TASOR2: variants seen among roughly 807,000 people sequenced by gnomAD.
TASOR2 encodes the protein transcription activation suppressor family member 2.
Under a neutral mutation model 199.5 loss-of-function variants are expected in TASOR2, and 84 were observed. The observed-to-expected ratio is 0.42, with a 90% confidence interval of 0.35 to 0.50. TASOR2 has a LOEUF of 0.50. Among genes scored for constraint, TASOR2 ranks in the 20% least tolerant of loss-of-function variants. The pLI is 0.02. For missense variants in TASOR2, 2,796 were observed against 2,835.9 expected, an observed-to-expected ratio of 0.99 and a Z score of 0.32; for synonymous variants, 1,103 against 1,046.6, an observed-to-expected ratio of 1.05 and a Z score of -1.04.
At chr10:5,715,087 A>C (rs1382648267) in intron 2 of TASOR2, among the ~76,000 whole-genome samples, 1 of 152,170 alleles carries the variant, frequency 6.6e-6, no homozygotes, top group East Asian at 1.9e-4. Flanking sequence ...CTGGAGACTT[A>C]GGAAATAGAG....
intron 11 of TASOR2, among the ~76,000 whole-genome samples, chr10:5,733,485 C>T (rs753225142): frequency 2.0e-5 from 3 of 152,044 alleles, no homozygotes; most frequent in Non-Finnish European, 4.4e-5. Context: ...GGTGACAGAG[C>T]AAGACTGCAT....
rs971109957 is a variant in TASOR2, at chr10:5,742,282, T to A, written c.2513T>A (p.Ile838Asn). 9 of 1,614,070 alleles carry A rather than the reference T, an allele frequency of 5.6e-6. No homozygotes were observed. The highest frequency in any genetic ancestry group is 1.7e-5 in the Admixed American group (1 of 60,012). The change falls in exon 14 of 21, where the codon ATT (isoleucine) becomes AAT (asparagine). Residue 838 changes from isoleucine to asparagine, a missense_variant. Ile to Asn is a moderately radical substitution (Grantham distance 149). This residue lies in a region of TASOR2 where 1,941 missense variants were observed against 1,924.9 expected (regional missense o/e 1.01). Transcript: ENST00000328090. The surrounding 1 kb of genome is among the most constrained non-coding windows in gnomAD (Gnocchi z 4.2). ...TTAGAATCTTGTGAGCTCCGTGAAA[T>A]TGAGGAGTCCCTTGGTTTGGAAAAA...
rs754693412 is a variant in TASOR2, at chr10:5,746,724, T to G, written c.3303T>G (p.Asn1101Lys). The G allele has an allele frequency of 5.0e-6, 8 of 1,614,066 alleles. No individual in the cohort carries two copies. In the South Asian group the frequency reaches 8.8e-5, roughly 18 times the overall value. Reference sequence around the variant, plus strand: ...GACATCCTGTATCCACCTCGGAAAATGCACGAACACAAGGCCTGAGGGACA... The same window carrying G: ...GACATCCTGTATCCACCTCGGAAAAGGCACGAACACAAGGCCTGAGGGACA... Residue 1101 changes from asparagine (N) to lysine (K), a missense_variant, in exon 15 of 21, where the codon AAT becomes AAG. By Grantham distance (94) the Asn-to-Lys change is moderately conservative. Transcript: ENST00000328090.
intron 2 of TASOR2, 50 bp from the exon 3 acceptor site, chr10:5,714,085 C>T: frequency 1.1e-6 from 1 of 952,134 alleles, no homozygotes; most frequent in Non-Finnish European, 1.4e-6. Flanking sequence ...CAGATTATAG[C>T]ATTTTTTCAT....
intron 14 of TASOR2, among the ~76,000 whole-genome samples, chr10:5,745,159 C>T (rs1179402303): frequency 6.6e-6 from 1 of 152,132 alleles, no homozygotes; most frequent in East Asian, 1.9e-4. Context: ...TGAGAACTGT[C>T]CTGAGATGAT....
chr10:5,718,616 T>C lies in TASOR2; in HGVS notation c.-100+866T>C, dbSNP rs140367707. Among the ~76,000 whole-genome samples the C allele has an allele frequency of 1.2e-3, 187 of 151,846 alleles. 3 individuals are homozygous for C. In the East Asian group the frequency reaches 0.027, roughly 22 times the overall value. ...TACTAAAAGTATAAAAAAATTAGCC[T>C]GACGTGGTGGCGGGTGCCTGTAATC... On this transcript the variant is annotated intron_variant, in intron 3 of 20. Transcript: ENST00000328090.
chr10:5,688,790 TC>T (rs1050471485), intron 1 of TASOR2, among the ~76,000 whole-genome samples: 9 of 151,704 alleles, frequency 5.9e-5, no homozygotes, highest in African/African-American at 2.2e-4. Flanking sequence ...GAGGATTGCT[TC>T]AGCCAGGTTT....
chr10:5,738,820 G>T lies in TASOR2; in HGVS notation c.1448-798G>T, dbSNP rs1292494259. 6.6e-6 allele frequency among the ~76,000 whole-genome samples: 1 copy of T among 152,152 alleles called. No individual in the cohort carries two copies. The highest frequency in any genetic ancestry group is 1.5e-5 in the Non-Finnish European group (1 of 68,034). On this transcript the variant is annotated intron_variant, in intron 12 of 20. Coordinates refer to ENST00000328090, the Ensembl canonical transcript of TASOR2. This position sits in a 1 kb window ranked among gnomAD's most constrained non-coding sequence, Gnocchi z 4.7. Reference sequence around the variant, plus strand: ...CTTCATAATAACAGCATTTAGGAAGGAATAATGAATACGTTGAAAATACCA... The same window carrying T: ...CTTCATAATAACAGCATTTAGGAAGTAATAATGAATACGTTGAAAATACCA...
At position 5,690,666 on chromosome 10, in the gene TASOR2, A is replaced by G. The variant is rs1005662041; in HGVS notation, c.-288+5491A>G. Among the ~76,000 whole-genome samples, 6 of 152,326 alleles carry G rather than the reference A, an allele frequency of 3.9e-5. No individual in the cohort carries two copies. The East Asian group carries it at 1.2e-3, about 29-fold the overall frequency. ...TGAAATATAATTGTTTCTGAGAGGAACTTATTCTCAGGATATTTTTGTAAG... is the reference window on the plus strand; with the variant it reads ...TGAAATATAATTGTTTCTGAGAGGAGCTTATTCTCAGGATATTTTTGTAAG... On this transcript the variant is annotated intron_variant, in intron 1 of 20. Transcript: ENST00000328090. This position sits in a 1 kb window ranked among gnomAD's most constrained non-coding sequence, Gnocchi z 4.8.
intron 17 of TASOR2, 45 bp downstream of exon 18, chr10:5,757,718 CT>C: frequency 6.3e-7 from 1 of 1,595,102 alleles, no homozygotes; most frequent in East Asian, 2.2e-5. Flanking sequence ...GTCAGATCAA[CT>C]TCTCACCCAG....
intron 7 of TASOR2, 90 bp from the exon 9 acceptor site, chr10:5,724,340 C>T: frequency 1.9e-6 from 1 of 536,118 alleles, no homozygotes; most frequent in South Asian, 2.1e-5. Flanking sequence ...TCTATTCTTT[C>T]ATTTTTGCAA....
intron 15 of TASOR2, among the ~76,000 whole-genome samples, chr10:5,755,185 T>C (rs1285624164): frequency 6.6e-6 from 1 of 152,184 alleles, no homozygotes; most frequent in Non-Finnish European, 1.5e-5. Context: ...TGCCTAGATA[T>C]TTCAGTAAGC....
intron 12 of TASOR2, among the ~76,000 whole-genome samples, chr10:5,736,446 G>T (rs962282367): frequency 6.6e-6 from 1 of 151,504 alleles, no homozygotes; most frequent in African/African-American, 2.4e-5. Flanking sequence ...GAGAGACGGG[G>T]TTTCACCATG....
chr10:5,695,795 A>G (rs1184690537), intron 1 of TASOR2, among the ~76,000 whole-genome samples: 1 of 152,214 alleles, frequency 6.6e-6, no homozygotes, highest in Admixed American at 6.5e-5. Flanking sequence ...GAATGCTGAA[A>G]GCTGAAGAGA....
At chr10:5,744,280 T>C (rs2131620695) in intron 14 of TASOR2, among the ~76,000 whole-genome samples, 1 of 128,948 alleles carries the variant, frequency 7.8e-6, no homozygotes, top group South Asian at 2.9e-4. Context: ...AGCCCCACAC[T>C]GTTGACTCTG....
At chr10:5,723,034 AG>A (rs1284215367) in intron 6 of TASOR2, among the ~76,000 whole-genome samples, 3 of 141,254 alleles carry the variant, frequency 2.1e-5, no homozygotes, top group Admixed American at 7.3e-5. Context: ...AAAAGTAGTC[AG>A]GAAATAACTT....
At chr10:5,741,423 C>T (rs1259226106) in intron 13 of TASOR2, among the ~76,000 whole-genome samples, 2 of 152,192 alleles carry the variant, frequency 1.3e-5, no homozygotes, top group African/African-American at 4.8e-5. Context: ...TTCTTCTATA[C>T]ACCTGTTCAT....
At chr10:5,747,920 C>A (rs1195750791) in exon 15 of TASOR2, 2 of 1,613,764 alleles carry the variant, frequency 1.2e-6, no homozygotes, top group Non-Finnish European at 1.7e-6. Flanking sequence ...GGTAAAGTAA[C>A]TGAGGAAATT....
At chr10:5,728,168 C>G (rs1047410520) in intron 10 of TASOR2, among the ~76,000 whole-genome samples, 2 of 149,652 alleles carry the variant, frequency 1.3e-5, no homozygotes, top group Admixed American at 1.3e-4. Context: ...TTGCAGCGAG[C>G]CAAGACTGTG....
Sources: allele counts gnomAD v4.1 joint callset (sites outside exome capture counted in the v4.1 genomes callset), GRCh38; gene constraint gnomAD v4.1.1; regional missense constraint gnomAD v4.1.1; non-coding constraint Gnocchi (gnomAD v3.1); transcripts MANE v1.5; gene names NCBI Gene and HGNC (gene_info 2026-07-23, HGNC 2026-07-21).